LTF: variants seen among roughly 807,000 people sequenced by gnomAD.
LTF encodes epididymis luminal protein 110.
A neutral mutation model predicts 87.2 loss-of-function variants in LTF; 91 were observed. The observed-to-expected ratio is 1.04, with a 90% confidence interval of 0.88 to 1.24. LTF has a LOEUF of 1.24. LTF is among the 50% of genes most tolerant of loss of function. LTF has a pLI of 0.00. For missense variants in LTF, 901 were observed against 904.3 expected (o/e 1.00, Z 0.05); for synonymous variants, 378 against 356.1 (o/e 1.06, Z -0.69).
rs13091009 is a variant in LTF at position 46,482,718 on chromosome 3, G to A, written c.-320+2268C>T. 8.2e-3 allele frequency among the ~76,000 whole-genome samples: 654 copies of A among 79,408 alleles called. 15 individuals are homozygous for A. The highest frequency in any genetic ancestry group is 0.022 in the South Asian group (40 of 1,780). 52.1% of individuals were successfully genotyped at this position (79,408 alleles called of 152,430 possible). A position where few individuals can be genotyped will look rare whatever the true frequency, so the allele number is the denominator to read the frequency against. ...AAGGAAGGAAGGAAAGAAAGAAAGAGAAAGAAAGGAAGGAAGGAAGGAAGG... is the reference window on the plus strand; with the variant it reads ...AAGGAAGGAAGGAAAGAAAGAAAGAAAAAGAAAGGAAGGAAGGAAGGAAGG... On this transcript the variant is annotated intron_variant, in intron 1 of 19. Coordinates refer to the LTF transcript ENST00000443496.
intron 1 of LTF, among the ~76,000 whole-genome samples, chr3:46,473,902 G>T (rs184727698): frequency 2.6e-5 from 4 of 152,322 alleles, no homozygotes; most frequent in Admixed American, 2.6e-4. Context: ...CCAGTAGGCT[G>T]TGATAAATCA....
At chr3:46,452,218 A>G (rs1338304993) in intron 6 of LTF, among the ~76,000 whole-genome samples, 1 of 152,244 alleles carries the variant, frequency 6.6e-6, no homozygotes, top group Non-Finnish European at 1.5e-5. Context: ...ATCCTCATTA[A>G]CAATAACCAA....
At chr3:46,478,178 A>C (rs372377672) in intron 1 of LTF, among the ~76,000 whole-genome samples, 29 of 151,982 alleles carry the variant, frequency 1.9e-4, no homozygotes, top group African/African-American at 7.0e-4. Context: ...CTCTCTCACC[A>C]TCATGCCCTC....
At chr3:46,441,001 T>C (rs548340574) in intron 14 of LTF, among the ~76,000 whole-genome samples, 11 of 152,314 alleles carry the variant, frequency 7.2e-5, no homozygotes, top group African/African-American at 2.2e-4. Context: ...CTACTTCCTT[T>C]TTCATAAAGG....
chr3:46,463,164 T>C (rs183423628), intron 1 of LTF, among the ~76,000 whole-genome samples: 1 of 152,280 alleles, frequency 6.6e-6, no homozygotes, highest in East Asian at 1.9e-4. Flanking sequence ...CCCACACTTG[T>C]ATTCAGTGTC....
chr3:46,473,470 T>A (rs1703319712), intron 1 of LTF, among the ~76,000 whole-genome samples: 1 of 152,250 alleles, frequency 6.6e-6, no homozygotes, highest in Non-Finnish European at 1.5e-5. Context: ...ATTAAAATGC[T>A]AAAGATTATA....
Position 46,482,609 on chromosome 3 carries a change from GAAGAAAGAAAGAAAGAAAGA to G in LTF, c.-320+2357_-320+2376del, listed in dbSNP as rs1179613670. 7.2e-4 allele frequency among the ~76,000 whole-genome samples: 41 copies of G among 56,986 alleles called. 2 individuals are homozygous for G. The highest frequency in any genetic ancestry group is 1.9e-3 in the African/African-American group (25 of 13,126). 37.4% of individuals were successfully genotyped at this position (56,986 alleles called of 152,430 possible). ...GGAGAAAGAGAGAGAAAGAAAGAAAGAAGAAAGAAAGAAAGAAAGAAAGAAAGAAAGAAAGAAAGAAAGAA... is the reference window on the plus strand; with the variant it reads ...GGAGAAAGAGAGAGAAAGAAAGAAAGAAGAAAGAAAGAAAGAAAGAAAGAA... On this transcript the variant is annotated intron_variant, in intron 1 of 19. Coordinates refer to the LTF transcript ENST00000443496.
chr3:46,456,211 G>A (rs1202860851), intron 3 of LTF, 79 bp downstream of exon 3: 5 of 1,249,152 alleles, frequency 4.0e-6, no homozygotes, highest in Non-Finnish European at 4.6e-6. Context: ...ACCTCCACAT[G>A]TTCCCCCAGT....
intron 6 of LTF, among the ~76,000 whole-genome samples, chr3:46,453,623 T>C (rs1012757360): frequency 6.6e-6 from 1 of 152,200 alleles, no homozygotes; most frequent in African/African-American, 2.4e-5. Flanking sequence ...TAGCCCTGTC[T>C]CTATTGGTCT....
intron 14 of LTF, 71 bp downstream of exon 14, chr3:46,441,345 T>C: frequency 3.9e-6 from 5 of 1,271,252 alleles, no homozygotes. Flanking sequence ...CAAAGGCAAA[T>C]CTGAACACTA....
chr3:46,482,260 A>T (rs1200988871), intron 1 of LTF, among the ~76,000 whole-genome samples: 1 of 152,068 alleles, frequency 6.6e-6, no homozygotes, highest in Non-Finnish European at 1.5e-5. Flanking sequence ...GTTGGAGACC[A>T]GCCTGGACAA....
chr3:46,451,523 A>C (rs749217485), intron 6 of LTF, among the ~76,000 whole-genome samples: 1 of 152,228 alleles, frequency 6.6e-6, no homozygotes, highest in Non-Finnish European at 1.5e-5. Flanking sequence ...ACGATTGTTT[A>C]TGTGTTCAAC....
intron 3 of LTF, among the ~76,000 whole-genome samples, 154 bp downstream of exon 3, chr3:46,456,136 C>T (rs913647747): frequency 1.4e-4 from 22 of 152,176 alleles, no homozygotes; most frequent in South Asian, 2.1e-4. Context: ...TCAGGAGGAA[C>T]GGCCTTCATC....
In LTF at chr3:46,450,628, C is replaced by T. The variant is rs1477485751; in HGVS notation, c.749G>A (p.Cys250Tyr). 6.2e-7 allele frequency: 1 copy of T among 1,614,014 alleles called. No individual in the cohort carries two copies. Among genetic ancestry groups the T allele is most frequent in the Non-Finnish European group, 8.5e-7 (1 of 1,180,004 alleles). The stretch of plus-strand genomic sequence containing the variant: ...CACTGGCTTCCGAGTGTTGTCTGGG[C>T]AGAGTAACTCATACTCGTCCCTTTC... ...EAERDEYELL[C>Y]PDNTRKPVDK... is the part of the protein sequence containing the mutation. The change falls in exon 7 of 17, where the codon TGC (cysteine) becomes TAC (tyrosine). Residue 250 changes from cysteine to tyrosine, a missense_variant. Physicochemically the swap from Cys to Tyr is radical, Grantham distance 194. Transcript: ENST00000231751.
At chr3:46,444,860 T>A (rs1216282122) in intron 12 of LTF, among the ~76,000 whole-genome samples, 1 of 152,116 alleles carries the variant, frequency 6.6e-6, no homozygotes, top group Non-Finnish European at 1.5e-5. Context: ...TCCGTTGCAG[T>A]GTAGAGTAAG....
chr3:46,445,451 G>C lies in LTF; in HGVS notation c.1358-15C>G. 6.2e-7 allele frequency: 1 copy of C among 1,604,952 alleles called. No individual in the cohort carries two copies. The highest frequency in any genetic ancestry group is 1.1e-5 in the South Asian group (1 of 89,950). Reference sequence around the variant, plus strand: ...AGCAAGATATCCTGGCATAACAGATGACAGAAAAACAAGTCTTAACCTCCA... The same window carrying C: ...AGCAAGATATCCTGGCATAACAGATCACAGAAAAACAAGTCTTAACCTCCA... On this transcript the variant is annotated splice_polypyrimidine_tract_variant and intron_variant, in intron 11 of 16. Coordinates refer to ENST00000231751, the MANE Select transcript of LTF (RefSeq NM_002343.6).
chr3:46,462,222 A>G (rs1259267586), intron 1 of LTF, among the ~76,000 whole-genome samples: 1 of 152,198 alleles, frequency 6.6e-6, no homozygotes, highest in Non-Finnish European at 1.5e-5. Flanking sequence ...GTGTAAGCGG[A>G]CAGGACCAGA....
chr3:46,450,994 A>G (rs1218075219), intron 6 of LTF, among the ~76,000 whole-genome samples: 1 of 152,142 alleles, frequency 6.6e-6, no homozygotes, highest in African/African-American at 2.4e-5. Context: ...TGGAAAAGTC[A>G]CTTTGCAGAG....
intron 2 of LTF, chr3:46,470,222 C>T (rs1257212813): frequency 1.3e-5 from 2 of 152,422 alleles, no homozygotes; most frequent in Non-Finnish European, 2.9e-5. Flanking sequence ...GAATGTACAG[C>T]AGGTCAGGCC....
Sources: allele counts gnomAD v4.1 joint callset (sites outside exome capture counted in the v4.1 genomes callset), GRCh38; gene constraint gnomAD v4.1.1; transcripts MANE v1.5; gene names NCBI Gene and HGNC (gene_info 2026-07-23, HGNC 2026-07-21).